Variants in GPR158 observed in about 807,000 individuals in gnomAD.
The protein encoded by GPR158 is G protein-coupled receptor 158.
GPR158 carries 30 observed loss-of-function variants against 78.2 expected under a neutral mutation model. The observed-to-expected ratio is 0.38, with a 90% CI of 0.29 to 0.52. The LOEUF (loss-of-function observed/expected upper bound fraction) is 0.52. Ranked by LOEUF, GPR158 falls within the 20% of genes least tolerant of loss-of-function variation. The pLI is 0.83. For synonymous variants in GPR158, 581 were observed against 591.1 expected, an observed-to-expected ratio of 0.98 and a Z score of 0.25; for missense variants, 1,463 against 1,523.5, an observed-to-expected ratio of 0.96 and a Z score of 0.66.
intron 5 of GPR158, among the ~76,000 whole-genome samples, chr10:25,517,810 C>A (rs1836202824): frequency 6.6e-6 from 1 of 150,614 alleles, no homozygotes; most frequent in Non-Finnish European, 1.5e-5. Flanking sequence ...CAATGTTCAT[C>A]AAGGATATTG....
chr10:25,222,091 CACAG>C (rs1267625807), intron 2 of GPR158, among the ~76,000 whole-genome samples: 3 of 152,076 alleles, frequency 2.0e-5, no homozygotes, highest in Non-Finnish European at 4.4e-5. Flanking sequence ...TACACAAATG[CACAG>C]ACAGTTGCAC....
intron 4 of GPR158, among the ~76,000 whole-genome samples, chr10:25,432,584 C>A (rs984403883): frequency 1.3e-5 from 2 of 152,132 alleles, no homozygotes; most frequent in South Asian, 4.1e-4. Flanking sequence ...CTATAAAATA[C>A]TTGTAAAATA....
chr10:25,576,588 G>T (rs1007821154), intron 7 of GPR158, among the ~76,000 whole-genome samples: 3 of 152,166 alleles, frequency 2.0e-5, no homozygotes, highest in Non-Finnish European at 4.4e-5. Context: ...GAGATAGATA[G>T]TGCAAAAGAA....
chr10:25,589,011 AT>A lies in GPR158; in HGVS notation c.1763del (p.Leu588TyrfsTer57). The A allele has an allele frequency of 6.5e-7, 1 of 1,549,470 alleles. No individual in the cohort carries two copies. Among genetic ancestry groups the A allele is most frequent in the Non-Finnish European group, 8.8e-7 (1 of 1,137,782 alleles). ...RWDYMTAVAE[F>X]LFLLWGVYLC... is the part of the protein sequence containing the mutation. Reference sequence around the variant, plus strand: ...AATGGTTTGTTATTTTCACAGCTGAATTTTTATTCCTCTTGTGGGGTGTTTA... The same window carrying A: ...AATGGTTTGTTATTTTCACAGCTGAATTTTATTCCTCTTGTGGGGTGTTTA... On this transcript the variant is annotated frameshift_variant, in exon 8 of 11. Coordinates refer to ENST00000376351, the MANE Select transcript of GPR158 (RefSeq NM_020752.3). LOFTEE classifies it high-confidence loss of function.
intron 2 of GPR158, among the ~76,000 whole-genome samples, chr10:25,255,850 G>A (rs550877782): frequency 1.2e-4 from 19 of 152,124 alleles, no homozygotes; most frequent in South Asian, 4.2e-4. Flanking sequence ...CATCTTTGTC[G>A]GGTAATATCA....
chr10:25,223,891 A>C (rs1342740231), intron 2 of GPR158, among the ~76,000 whole-genome samples: 1 of 152,216 alleles, frequency 6.6e-6, no homozygotes, highest in Non-Finnish European at 1.5e-5. Context: ...AAAGTTATAA[A>C]TGAGGCAAAC....
At chr10:25,445,479 C>T (rs1235098629) in intron 4 of GPR158, among the ~76,000 whole-genome samples, 5 of 151,944 alleles carry the variant, frequency 3.3e-5, no homozygotes, top group Non-Finnish European at 7.4e-5. Context: ...GTATAGCAGA[C>T]CATTATAAAG....
Position 25,192,615 on chromosome 10 carries a change from CTT to C in GPR158, c.902+16294_902+16295del, listed in dbSNP as rs1484804836. On this transcript the variant is annotated intron_variant, in intron 1 of 10. Transcript: ENST00000376351. ...CTTACTGTTGTAAAGAGTAAACAATCTTATATATGTAAAGAGGCTAACATAAT... is the reference window on the plus strand; with the variant it reads ...CTTACTGTTGTAAAGAGTAAACAATCATATATGTAAAGAGGCTAACATAAT... Among the ~76,000 whole-genome samples the C allele has an allele frequency of 3.3e-5, 5 of 152,116 alleles. 1 individual carries two copies. Among genetic ancestry groups the C allele is most frequent in the East Asian group, 3.9e-4 (2 of 5,162 alleles).
intron 2 of GPR158, among the ~76,000 whole-genome samples, chr10:25,284,726 GTTATTA>G (rs570950414): frequency 1.3e-5 from 2 of 151,310 alleles, no homozygotes; most frequent in African/African-American, 4.8e-5. Context: ...AAAGTTGGGT[GTTATTA>G]TTCCATTTTA....
intron 5 of GPR158, among the ~76,000 whole-genome samples, chr10:25,517,390 C>T (rs1293773563): frequency 2.0e-5 from 3 of 152,042 alleles, no homozygotes; most frequent in Admixed American, 6.6e-5. Flanking sequence ...TTGCCCTGGC[C>T]AGAACTTCCA....
chr10:25,433,698 T>C (rs1297969724), intron 4 of GPR158, among the ~76,000 whole-genome samples: 4 of 142,920 alleles, frequency 2.8e-5, no homozygotes, highest in Non-Finnish European at 4.6e-5. Flanking sequence ...TTCTTTCTTT[T>C]TTTTTTTTTT....
chr10:25,183,012 T>C (rs1852632449), intron 1 of GPR158, among the ~76,000 whole-genome samples: 1 of 152,216 alleles, frequency 6.6e-6, no homozygotes, highest in Admixed American at 6.5e-5. Context: ...GTGAAGCTTT[T>C]CCCAGCACAG....
In GPR158 at chr10:25,374,566, C is replaced by A. The variant is rs79641313; in HGVS notation, c.1009-21345C>A. Among the ~76,000 whole-genome samples the A allele has an allele frequency of 1.6e-3, 247 of 151,850 alleles. 1 individual carries two copies. The highest frequency in any genetic ancestry group is 0.016 in the East Asian group (80 of 5,146). Reference sequence around the variant, plus strand: ...CATAATTGCCATACCCACCTCCTTTCCTCCATTATGAATCCCTAACAACCA... The same window carrying A: ...CATAATTGCCATACCCACCTCCTTTACTCCATTATGAATCCCTAACAACCA... On this transcript the variant is annotated intron_variant, in intron 2 of 10. Coordinates refer to ENST00000376351, the MANE Select transcript of GPR158 (RefSeq NM_020752.3).
chr10:25,187,584 C>G (rs547681583), intron 1 of GPR158, among the ~76,000 whole-genome samples: 82 of 150,056 alleles, frequency 5.5e-4, no homozygotes, highest in African/African-American at 1.8e-3. Context: ...ATTCAACAGC[C>G]CTTCATGCTA....
chr10:25,581,220 G>A (rs945784164), intron 7 of GPR158, among the ~76,000 whole-genome samples: 6 of 152,108 alleles, frequency 3.9e-5, no homozygotes, highest in East Asian at 1.9e-4. Flanking sequence ...GAGCCACCGC[G>A]CCCGGCGCTA....
At chr10:25,557,164 C>G (rs116602809) in intron 6 of GPR158, among the ~76,000 whole-genome samples, 3,406 of 152,320 alleles carry the variant, frequency 0.022, 57 homozygotes, top group African/African-American at 0.039. Flanking sequence ...TGTGCTATCT[C>G]TACTCTAGCT....
chr10:25,486,970 A>T (rs1835744011), intron 5 of GPR158, among the ~76,000 whole-genome samples: 2 of 152,190 alleles, frequency 1.3e-5, no homozygotes, highest in Non-Finnish European at 2.9e-5. Flanking sequence ...GGGAGAATTC[A>T]TATAGCAAAT....
chr10:25,177,260 G>A lies in GPR158; in HGVS notation c.902+938G>A, dbSNP rs115416944. The stretch of plus-strand genomic sequence containing the variant: ...CTGGGAAGTGCCTGACCTTTGAGGC[G>A]GGGAATTTCTAGAAGCAACCTTTAA... On this transcript the variant is annotated intron_variant, in intron 1 of 10. Transcript: ENST00000376351. 6.7e-3 allele frequency among the ~76,000 whole-genome samples: 1,026 copies of A among 152,242 alleles called. 17 individuals are homozygous for A. The highest frequency in any genetic ancestry group is 0.024 in the African/African-American group (978 of 41,542).
chr10:25,564,468 C>T lies in GPR158; in HGVS notation c.1515-8181C>T, dbSNP rs558104253. Among the ~76,000 whole-genome samples, 5 of 152,280 alleles carry T rather than the reference C, an allele frequency of 3.3e-5. No individual in the cohort carries two copies. In the South Asian group the frequency reaches 1.0e-3, roughly 32 times the overall value. On this transcript the variant is annotated intron_variant, in intron 6 of 10. Coordinates refer to ENST00000376351, the MANE Select transcript of GPR158 (RefSeq NM_020752.3). ...ATTGTCCCGGGTAGCATTGACTAATCCACTTGCCTTTAAACTTTTAGATAA... is the reference window on the plus strand; with the variant it reads ...ATTGTCCCGGGTAGCATTGACTAATTCACTTGCCTTTAAACTTTTAGATAA...
Sources: allele counts gnomAD v4.1 joint callset (sites outside exome capture counted in the v4.1 genomes callset), GRCh38; gene constraint gnomAD v4.1.1; transcripts MANE v1.5; gene names NCBI Gene and HGNC (gene_info 2026-07-23, HGNC 2026-07-21).